Variants in RAPGEF2 observed in about 807,000 individuals in gnomAD.
The protein encoded by RAPGEF2 is Rap guanine nucleotide exchange factor 2, also known as PDZ domain containing guanine nucleotide exchange factor (GEF) 1.
In RAPGEF2, 54 loss-of-function variants were observed where a neutral mutation model predicts 186.7. The observed-to-expected ratio is 0.29, with a 90% CI of 0.23 to 0.36. RAPGEF2 has a LOEUF of 0.36. Ranked by LOEUF, RAPGEF2 falls within the 10% of genes least tolerant of loss-of-function variation. The pLI is 1.00. For missense variants in RAPGEF2, 1,532 were observed against 2,045.0 expected (o/e 0.75, Z 4.84); for synonymous variants, 712 against 705.9 (o/e 1.01, Z -0.14).
rs373371689 is a variant in RAPGEF2, at chr4:159,352,817, G to T, written c.3998G>T (p.Arg1333Leu). Reference protein sequence around the residue: ...SVPVSLHDERRQRHSVSIVET... With the variant: ...SVPVSLHDERLQRHSVSIVET... Reference sequence around the variant, plus strand: ...CCAGTCTCACTGCACGATGAGAGGCGCCAGAGGCATTCTGTCAGCATCGTG... The same window carrying T: ...CCAGTCTCACTGCACGATGAGAGGCTCCAGAGGCATTCTGTCAGCATCGTG... Residue 1333 changes from arginine to leucine, a missense_variant, in exon 27 of 30, where the codon CGC (arginine) becomes CTC (leucine). Arg to Leu is a moderately radical substitution (Grantham distance 102, BLOSUM62 -2). Coordinates refer to ENST00000691494, the MANE Select transcript of RAPGEF2 (RefSeq NM_001394067.2). 33 of 1,614,084 alleles carry T rather than the reference G, an allele frequency of 2.0e-5. No homozygotes were observed. Among genetic ancestry groups the T allele is most frequent in the Non-Finnish European group, 2.8e-5 (33 of 1,180,040 alleles).
At position 159,358,875 on chromosome 4, in the gene RAPGEF2, C is replaced by T. The variant is rs1013097728; in HGVS notation, c.*736C>T. ...CTTCCCATGTCCTTCTGGTCTCACC[C>T]GCGAAGTGCCCTATCCTGGAAGTAT... On this transcript the variant is annotated 3_prime_UTR_variant, in exon 30 of 30. Coordinates refer to ENST00000691494, the MANE Select transcript of RAPGEF2 (RefSeq NM_001394067.2). 1.6e-4 allele frequency: 24 copies of T among 152,200 alleles called. No individual in the cohort carries two copies. The highest frequency in any genetic ancestry group is 3.2e-4 in the Non-Finnish European group (22 of 68,048). 9.4% of individuals were successfully genotyped at this position (152,200 alleles called of 1,614,324 possible).
chr4:159,328,849 CATT>C (rs1401197187), intron 11 of RAPGEF2: 1 of 151,836 alleles, frequency 6.6e-6, no homozygotes, highest in Non-Finnish European at 1.5e-5. Context: ...ATGATGTTGT[CATT>C]ATGATTATCG....
chr4:159,295,720 AGTGTGTGTGTGTGTGTGTGTGT>A (rs71589223), intron 7 of RAPGEF2, among the ~76,000 whole-genome samples: 1 of 134,630 alleles, frequency 7.4e-6, no homozygotes, highest in South Asian at 2.5e-4. Flanking sequence ...AGAGTGTGTG[AGTGTGTGTGTGTGTGTGTGTGT>A]GTGTGTGTGT....
chr4:159,119,838 A>G (rs1474150284), intron 1 of RAPGEF2, among the ~76,000 whole-genome samples: 1 of 152,204 alleles, frequency 6.6e-6, no homozygotes, highest in Non-Finnish European at 1.5e-5. Context: ...TTGGCATATG[A>G]TATTTTCTAA....
At chr4:159,217,903 T>C (rs1751138087) in intron 4 of RAPGEF2, among the ~76,000 whole-genome samples, 1 of 152,196 alleles carries the variant, frequency 6.6e-6, no homozygotes, top group African/African-American at 2.4e-5. Flanking sequence ...TTCTCATAAT[T>C]ATTGATGTTG....
chr4:159,281,590 G>C (rs1470724717), intron 7 of RAPGEF2, among the ~76,000 whole-genome samples: 4 of 148,618 alleles, frequency 2.7e-5, no homozygotes, highest in African/African-American at 9.9e-5. Flanking sequence ...AGAATCGCTT[G>C]AACCCAGGAG....
At chr4:159,233,037 T>G (rs993012294) in intron 4 of RAPGEF2, among the ~76,000 whole-genome samples, 9 of 152,234 alleles carry the variant, frequency 5.9e-5, no homozygotes, top group African/African-American at 2.2e-4. Context: ...TTAAGACTTT[T>G]TTATATATTT....
At chr4:159,121,583 G>A (rs1162313684) in intron 1 of RAPGEF2, among the ~76,000 whole-genome samples, 1 of 151,476 alleles carries the variant, frequency 6.6e-6, no homozygotes, top group Admixed American at 6.6e-5. Context: ...TGTCCAGTCT[G>A]GTCTCAAACT....
At position 159,126,480 on chromosome 4, in the gene RAPGEF2, G is replaced by T. The variant is rs140087535; in HGVS notation, c.69+22249G>T. 7.8e-3 allele frequency among the ~76,000 whole-genome samples: 1,171 copies of T among 151,038 alleles called. 17 individuals carry two copies. Among genetic ancestry groups the T allele is most frequent in the African/African-American group, 0.026 (1,086 of 41,204 alleles). On this transcript the variant is annotated intron_variant, in intron 1 of 29. Coordinates refer to ENST00000691494, the MANE Select transcript of RAPGEF2 (RefSeq NM_001394067.2). ...AGTTTTCTTTATATATGAAATAAGT[G>T]AAGTAATTTTGATTGTAAAATGTCA...
intron 9 of RAPGEF2, among the ~76,000 whole-genome samples, chr4:159,318,731 C>A (rs1764896632): frequency 6.6e-6 from 1 of 151,936 alleles, no homozygotes. Context: ...CTACTTTGAT[C>A]TCTTTTAACA....
chr4:159,222,314 T>G (rs1751621897), intron 4 of RAPGEF2, among the ~76,000 whole-genome samples: 1 of 152,176 alleles, frequency 6.6e-6, no homozygotes, highest in Admixed American at 6.5e-5. Context: ...CTTAACACAG[T>G]AAGTAGCCGT....
intron 4 of RAPGEF2, among the ~76,000 whole-genome samples, chr4:159,235,979 T>G (rs1753213405): frequency 6.6e-6 from 1 of 152,202 alleles, no homozygotes; most frequent in African/African-American, 2.4e-5. Flanking sequence ...TGTGCACTCA[T>G]GACCTACTCT....
intron 7 of RAPGEF2, among the ~76,000 whole-genome samples, chr4:159,278,340 G>T (rs916394412): frequency 1.3e-5 from 2 of 152,072 alleles, no homozygotes; most frequent in Admixed American, 6.6e-5. Context: ...GGATAGAATG[G>T]GGTTGAAGAT....
intron 1 of RAPGEF2, among the ~76,000 whole-genome samples, chr4:159,105,413 C>T (rs1040463898): frequency 1.3e-5 from 2 of 152,160 alleles, no homozygotes; most frequent in Non-Finnish European, 2.9e-5. Context: ...TAGACTCTTC[C>T]CCTGGCTGCC....
intron 9 of RAPGEF2, among the ~76,000 whole-genome samples, chr4:159,319,466 CT>C (rs1463070655): frequency 6.6e-6 from 1 of 151,888 alleles, no homozygotes; most frequent in East Asian, 1.9e-4. Flanking sequence ...AAACCTGCCC[CT>C]GGTGCCAAAA....
intron 7 of RAPGEF2, among the ~76,000 whole-genome samples, chr4:159,257,915 T>A (rs1756372329): frequency 6.6e-6 from 1 of 152,160 alleles, no homozygotes; most frequent in Non-Finnish European, 1.5e-5. Context: ...GGCTCTTTCA[T>A]CCCTGATTTC....
intron 1 of RAPGEF2, among the ~76,000 whole-genome samples, chr4:159,154,141 C>T (rs1743857523): frequency 6.6e-6 from 1 of 152,052 alleles, no homozygotes; most frequent in South Asian, 2.1e-4. Flanking sequence ...ATTCTATAAC[C>T]ATTAATATTT....
intron 25 of RAPGEF2, among the ~76,000 whole-genome samples, chr4:159,347,973 C>T (rs1730583038): frequency 6.6e-6 from 1 of 152,174 alleles, no homozygotes; most frequent in Non-Finnish European, 1.5e-5. Flanking sequence ...GTAATCCCAG[C>T]ACTTCAGGAG....
Position 159,355,884 on chromosome 4 carries a change from G to GCCCCCCC in RAPGEF2, c.4686_4687insCCCCCCC (p.Thr1563ProfsTer14). ...AGGAGGGCAGGTATCGAGAGCCCCC[G>GCCCCCCC]CCCACCCCTCCCGGCTACATTGGAA... is the stretch of plus-strand genomic sequence containing the variant. On this transcript the variant is annotated frameshift_variant, in exon 29 of 30. Coordinates refer to ENST00000691494, the MANE Select transcript of RAPGEF2 (RefSeq NM_001394067.2). LOFTEE classifies it high-confidence loss of function. 7 of 694,178 alleles carry GCCCCCCC rather than the reference G, an allele frequency of 1.0e-5. No individual in the cohort carries two copies. The highest frequency in any genetic ancestry group is 7.7e-5 in the East Asian group (1 of 12,998). The allele number at this position is 694,178 out of a possible 1,614,324, so 43.0% of individuals were successfully genotyped here. A position where few individuals can be genotyped will look rare whatever the true frequency, so the allele number is the denominator to read the frequency against.
Sources: gnomAD v4.1 joint callset for allele counts (sites outside exome capture counted in the v4.1 genomes callset) on GRCh38, gnomAD v4.1.1 for gene constraint, MANE v1.5 for transcripts, NCBI Gene and HGNC (gene_info 2026-07-23, HGNC 2026-07-21) for gene names.